ADAMTSL3: variants seen among roughly 807,000 people sequenced by gnomAD.
ADAMTSL3 encodes ADAMTS-like protein 3.
A neutral mutation model predicts 201.7 loss-of-function variants in ADAMTSL3; 128 were observed. The ratio of observed to expected loss-of-function variants is 0.63; its 90% CI spans 0.55 to 0.73. The LOEUF is 0.73. Among genes scored for constraint, ADAMTSL3 ranks in the 30% least tolerant of loss-of-function variants. The probability of loss-of-function intolerance (pLI) is 0.00; values close to 1 mark genes in which losing one functional copy is unlikely to be tolerated. For synonymous variants in ADAMTSL3, 738 were observed against 748.4 expected (o/e 0.99, Z 0.23); for missense variants, 1,990 against 2,119.6 (o/e 0.94, Z 1.20).
chr15:83,681,059 T>C (rs914727603), intron 2 of ADAMTSL3, among the ~76,000 whole-genome samples: 3 of 152,252 alleles, frequency 2.0e-5, no homozygotes, highest in African/African-American at 7.2e-5. Flanking sequence ...GCATTTGCAA[T>C]AGCCCTATCA....
chr15:83,991,362 T>C, intron 23 of ADAMTSL3, 148 bp downstream of exon 23: 1 of 1,182,556 alleles, frequency 8.5e-7, no homozygotes, highest in Non-Finnish European at 1.2e-6. Flanking sequence ...ACACTGACAG[T>C]GGATCTAACT....
At chr15:83,734,937 CAG>C (rs1555435607) in intron 3 of ADAMTSL3, among the ~76,000 whole-genome samples, 1 of 152,062 alleles carries the variant, frequency 6.6e-6, no homozygotes, top group Non-Finnish European at 1.5e-5. Context: ...TGAACACCGA[CAG>C]AAAGTAGGGA....
chr15:83,674,768 T>TATATACACACATATATAC (rs57180962), intron 2 of ADAMTSL3, among the ~76,000 whole-genome samples: 3,237 of 107,470 alleles, frequency 0.03, 45 homozygotes, highest in East Asian at 0.04. Context: ...CATATATACA[T>TATATACACACATATATAC]ATATATATAT....
intron 9 of ADAMTSL3, among the ~76,000 whole-genome samples, chr15:83,880,892 CATT>C (rs1698894521): frequency 6.6e-6 from 1 of 151,068 alleles, no homozygotes; most frequent in South Asian, 2.1e-4. Context: ...GATTTCCTGT[CATT>C]ATGTTTATAA....
At chr15:84,030,035 T>C (rs1380970357) in intron 27 of ADAMTSL3, among the ~76,000 whole-genome samples, 1 of 152,198 alleles carries the variant, frequency 6.6e-6, no homozygotes, top group African/African-American at 2.4e-5. Context: ...TGGAAAACCC[T>C]AGATGTCCAG....
At chr15:83,667,559 T>G (rs2061266355) in intron 2 of ADAMTSL3, among the ~76,000 whole-genome samples, 1 of 139,764 alleles carries the variant, frequency 7.2e-6, no homozygotes. Flanking sequence ...AGTTTGGATG[T>G]AGGGGAGGGA....
chr15:83,756,281 T>G (rs753504120), intron 3 of ADAMTSL3, among the ~76,000 whole-genome samples: 10 of 152,190 alleles, frequency 6.6e-5, no homozygotes, highest in Non-Finnish European at 2.9e-5. Context: ...CTGGGTAATT[T>G]ATAAAGGAAA....
intron 23 of ADAMTSL3, among the ~76,000 whole-genome samples, chr15:84,007,318 G>A (rs955982371): frequency 6.6e-5 from 10 of 152,142 alleles, no homozygotes; most frequent in East Asian, 1.9e-4. Context: ...TAATAAAACC[G>A]AAAAGTTCTG....
chr15:83,921,235 T>C (rs947857619), intron 16 of ADAMTSL3, among the ~76,000 whole-genome samples: 2 of 152,226 alleles, frequency 1.3e-5, no homozygotes, highest in Non-Finnish European at 2.9e-5. Context: ...AGTCCGAGAA[T>C]GTTACCTGCA....
chr15:83,746,739 C>A (rs975492007), intron 3 of ADAMTSL3, among the ~76,000 whole-genome samples: 3 of 152,100 alleles, frequency 2.0e-5, no homozygotes, highest in Non-Finnish European at 4.4e-5. Flanking sequence ...GTGGCTCACA[C>A]CTGTAATCCC....
In ADAMTSL3 at chr15:83,918,961, T is replaced by G. The variant is rs544184418; in HGVS notation, c.1988-4943T>G. On this transcript the variant is annotated intron_variant, in intron 16 of 29. Coordinates refer to ENST00000286744, the MANE Select transcript of ADAMTSL3 (RefSeq NM_207517.3). Reference sequence around the variant, plus strand: ...ATGACTTTGAGAGACATGTAGGAGATAAAAGGATCTGTCAGTGGAGTGGGT... The same window carrying G: ...ATGACTTTGAGAGACATGTAGGAGAGAAAAGGATCTGTCAGTGGAGTGGGT... 2.6e-5 allele frequency among the ~76,000 whole-genome samples: 4 copies of G among 151,994 alleles called. No individual in the cohort carries two copies. In the South Asian group the frequency reaches 8.4e-4, roughly 32 times the overall value.
chr15:83,759,435 C>T lies in ADAMTSL3; in HGVS notation c.190-14088C>T, dbSNP rs551354921. Among the ~76,000 whole-genome samples the T allele has an allele frequency of 8.5e-4, 129 of 152,208 alleles. 1 individual carries two copies. Among genetic ancestry groups the T allele is most frequent in the African/African-American group, 1.6e-3 (68 of 41,534 alleles). ...AGAGACGGGGTTTCACCATGTTAGC[C>T]GGGATGGTCTTGATCTCCTGACCTC... is the stretch of plus-strand genomic sequence containing the variant. On this transcript the variant is annotated intron_variant, in intron 3 of 29. Transcript: ENST00000286744.
intron 15 of ADAMTSL3, among the ~76,000 whole-genome samples, chr15:83,903,156 G>A (rs987580466): frequency 5.6e-4 from 85 of 151,408 alleles, no homozygotes; most frequent in Non-Finnish European, 2.5e-4. Context: ...TTTTTAAAAT[G>A]TGGTGATTTC....
chr15:83,826,996 C>A (rs1401093362), intron 6 of ADAMTSL3, among the ~76,000 whole-genome samples: 2 of 152,116 alleles, frequency 1.3e-5, no homozygotes, highest in Non-Finnish European at 2.9e-5. Context: ...TTTATAGCAG[C>A]ATGATTTATA....
At chr15:83,794,663 G>C (rs948314170) in intron 4 of ADAMTSL3, among the ~76,000 whole-genome samples, 5 of 149,852 alleles carry the variant, frequency 3.3e-5, no homozygotes, top group African/African-American at 7.3e-5. Context: ...GGATAGGGTG[G>C]GGGGGAGGAG....
intron 7 of ADAMTSL3, among the ~76,000 whole-genome samples, chr15:83,849,633 C>A (rs1011379115): frequency 6.6e-6 from 1 of 152,134 alleles, no homozygotes; most frequent in Non-Finnish European, 1.5e-5. Context: ...TCTTTATCAT[C>A]GCCTCCAGCT....
intron 6 of ADAMTSL3, among the ~76,000 whole-genome samples, chr15:83,822,322 GCGGC>G: frequency 1.3e-5 from 2 of 148,794 alleles, no homozygotes; most frequent in African/African-American, 2.5e-5. Flanking sequence ...CTCAGACGGG[GCGGC>G]TGCCGGGCGG....
chr15:83,837,653 C>CA (rs1309718621), intron 6 of ADAMTSL3, among the ~76,000 whole-genome samples: 1 of 151,610 alleles, frequency 6.6e-6, no homozygotes, highest in Non-Finnish European at 1.5e-5. Context: ...GGGGCACAGG[C>CA]CTGTGACTCA....
intron 21 of ADAMTSL3, among the ~76,000 whole-genome samples, chr15:83,985,071 A>G (rs999538305): frequency 6.6e-5 from 10 of 152,082 alleles, no homozygotes; most frequent in African/African-American, 2.4e-4. Context: ...TTTTTCTTGC[A>G]TTTTGAATAG....
Sources: allele counts gnomAD v4.1 joint callset (sites outside exome capture counted in the v4.1 genomes callset), GRCh38; gene constraint gnomAD v4.1.1; transcripts MANE v1.5; gene names NCBI Gene and HGNC (gene_info 2026-07-23, HGNC 2026-07-21).